NLGN1: variants seen among roughly 807,000 people sequenced by gnomAD.
NLGN1 encodes neuroligin-1.
NLGN1 carries 12 observed loss-of-function variants against 65.5 expected under a neutral mutation model. The ratio of observed to expected loss-of-function variants is 0.18; its 90% CI spans 0.12 to 0.30. The LOEUF (loss-of-function observed/expected upper bound fraction) is 0.30, where lower values mean the gene tolerates loss of function less well. Among genes scored for constraint, NLGN1 ranks in the 10% least tolerant of loss-of-function variants. NLGN1 has a pLI of 1.00. For synonymous variants in NLGN1, 350 were observed against 359.5 expected (o/e 0.97, Z 0.30); for missense variants, 750 against 1,007.1 (o/e 0.74, Z 3.46).
chr3:174,239,610 T>G (rs1462307663), intron 4 of NLGN1, among the ~76,000 whole-genome samples: 1 of 152,228 alleles, frequency 6.6e-6, no homozygotes, highest in Non-Finnish European at 1.5e-5. Context: ...GTATTAATTT[T>G]TTAAATCCTG....
chr3:173,752,541 G>A (rs760225261), intron 3 of NLGN1, among the ~76,000 whole-genome samples: 1 of 151,970 alleles, frequency 6.6e-6, no homozygotes, highest in Non-Finnish European at 1.5e-5. Flanking sequence ...ATTTATCATA[G>A]CATTAATACT....
At chr3:173,836,554 G>A (rs1181038698) in intron 4 of NLGN1, among the ~76,000 whole-genome samples, 1 of 152,092 alleles carries the variant, frequency 6.6e-6, no homozygotes, top group Non-Finnish European at 1.5e-5. Flanking sequence ...TATAATTGTG[G>A]AAAATAAATT....
intron 3 of NLGN1, among the ~76,000 whole-genome samples, chr3:173,766,054 G>T (rs998953084): frequency 2.0e-5 from 3 of 151,246 alleles, no homozygotes; most frequent in African/African-American, 7.3e-5. Flanking sequence ...ACAGATGCAC[G>T]AAAACACCTA....
chr3:174,031,370 G>A (rs9878969), intron 4 of NLGN1, among the ~76,000 whole-genome samples: 3,919 of 152,230 alleles, frequency 0.026, 145 homozygotes, highest in African/African-American at 0.077. Flanking sequence ...GAGTTGGCAA[G>A]CCTCATCCAC....
chr3:174,209,767 G>C (rs955444034), intron 4 of NLGN1, among the ~76,000 whole-genome samples: 3 of 151,194 alleles, frequency 2.0e-5, no homozygotes, highest in Non-Finnish European at 4.4e-5. Flanking sequence ...CGAGTAGCTG[G>C]GGTTACTGGC....
intron 2 of NLGN1, among the ~76,000 whole-genome samples, chr3:173,530,147 G>A (rs1386102218): frequency 6.6e-6 from 1 of 152,044 alleles, no homozygotes; most frequent in African/African-American, 2.4e-5. Context: ...TAGAGACAAG[G>A]TTTCACCATG....
At chr3:174,281,125 C>G in exon 7 of NLGN1, 1 of 1,613,394 alleles carries the variant, frequency 6.2e-7, no homozygotes, top group Non-Finnish European at 8.5e-7. Context: ...TACACACTAG[C>G]TATGAGGAGG....
chr3:173,645,632 A>G (rs750691030), intron 3 of NLGN1, among the ~76,000 whole-genome samples: 36 of 152,160 alleles, frequency 2.4e-4, no homozygotes, highest in Admixed American at 9.8e-4. Flanking sequence ...TTCCATGGGG[A>G]AAAATCAGAG....
At chr3:173,851,639 T>C (rs944718359) in intron 4 of NLGN1, among the ~76,000 whole-genome samples, 12 of 152,190 alleles carry the variant, frequency 7.9e-5, no homozygotes, top group African/African-American at 2.2e-4. Flanking sequence ...AGACCCCGGT[T>C]TCTTTTGATA....
intron 4 of NLGN1, among the ~76,000 whole-genome samples, chr3:174,235,255 C>G (rs1279343712): frequency 6.6e-6 from 1 of 151,936 alleles, no homozygotes; most frequent in Non-Finnish European, 1.5e-5. Flanking sequence ...TATCTACCTC[C>G]TTACCCCTCC....
chr3:173,446,063 T>TC (rs1364432215), intron 2 of NLGN1, among the ~76,000 whole-genome samples: 2 of 151,902 alleles, frequency 1.3e-5, no homozygotes, highest in Non-Finnish European at 2.9e-5. Flanking sequence ...TTTTTTTCTT[T>TC]TTTTTTTTAC....
In NLGN1 at chr3:173,612,915, A is replaced by G. The variant is rs776692876; in HGVS notation, c.493+7824A>G. On this transcript the variant is annotated intron_variant, in intron 3 of 6. Coordinates refer to ENST00000457714, the Ensembl canonical transcript of NLGN1. ...CTGTCTTCTCCCTGTGTCTCTTCACATGGCCTTCTGCCTGTGTATATGTCT... is the reference window on the plus strand; with the variant it reads ...CTGTCTTCTCCCTGTGTCTCTTCACGTGGCCTTCTGCCTGTGTATATGTCT... Among the ~76,000 whole-genome samples the G allele has an allele frequency of 4.5e-4, 69 of 152,220 alleles. 1 individual carries two copies. The highest frequency in any genetic ancestry group is 6.9e-4 in the Non-Finnish European group (47 of 67,992).
At chr3:173,968,236 T>C (rs1408468378) in intron 4 of NLGN1, among the ~76,000 whole-genome samples, 1 of 152,230 alleles carries the variant, frequency 6.6e-6, no homozygotes, top group Non-Finnish European at 1.5e-5. Flanking sequence ...TGATCTTGTT[T>C]AGTTACTATC....
intron 4 of NLGN1, among the ~76,000 whole-genome samples, chr3:174,272,624 A>C (rs1749614888): frequency 6.6e-6 from 1 of 151,356 alleles, no homozygotes. Flanking sequence ...CACTCTAATG[A>C]TCAGTTAGTT....
Position 174,281,266 on chromosome 3 carries a change from A to G in NLGN1, c.2435A>G (p.His812Arg), listed in dbSNP as rs757510253. Residue 812 changes from histidine to arginine, a missense_variant, in exon 7 of 7, where the codon CAT becomes CGT. Physicochemically the swap from His to Arg is conservative, Grantham distance 29. Transcript: ENST00000457714. ...CAGAACAATACTCTGCCCCATCCCCATCCCCACCCCCATTCACATTCAACA... is the reference window on the plus strand; with the variant it reads ...CAGAACAATACTCTGCCCCATCCCCGTCCCCACCCCCATTCACATTCAACA... The G allele has an allele frequency of 5.0e-6, 8 of 1,609,956 alleles. No homozygotes were observed. In the South Asian group the frequency reaches 8.8e-5, roughly 18 times the overall value.
chr3:174,129,526 T>A (rs1354437440), intron 4 of NLGN1, among the ~76,000 whole-genome samples: 1 of 152,206 alleles, frequency 6.6e-6, no homozygotes, highest in Non-Finnish European at 1.5e-5. Context: ...AAGGTGAATT[T>A]ATTAGTCAAA....
intron 2 of NLGN1, among the ~76,000 whole-genome samples, chr3:173,550,718 C>T (rs1233820597): frequency 1.2e-5 from 1 of 82,234 alleles, no homozygotes; most frequent in Admixed American, 1.2e-4. Context: ...GACCATTAGA[C>T]AACTACTTAC....
At chr3:173,406,486 T>A (rs1360128700) in intron 1 of NLGN1, among the ~76,000 whole-genome samples, 1 of 148,772 alleles carries the variant, frequency 6.7e-6, no homozygotes, top group Non-Finnish European at 1.5e-5. Context: ...TACGAATATA[T>A]CTATGAATCA....
At chr3:174,157,126 AG>A (rs1725583316) in intron 4 of NLGN1, among the ~76,000 whole-genome samples, 1 of 151,666 alleles carries the variant, frequency 6.6e-6, no homozygotes, top group Admixed American at 6.6e-5. Flanking sequence ...GGTGGACCTG[AG>A]GATGTGTGGA....
Sources: allele counts gnomAD v4.1 joint callset (sites outside exome capture counted in the v4.1 genomes callset), GRCh38; gene constraint gnomAD v4.1.1; transcripts MANE v1.5; gene names NCBI Gene and HGNC (gene_info 2026-07-23, HGNC 2026-07-21).